The following CTU1 variants were observed in gnomAD, a reference collection of about 807,000 sequenced individuals.
CTU1 encodes the protein cytoplasmic tRNA 2-thiolation protein 1.
In CTU1, 15 loss-of-function variants were observed where a neutral mutation model predicts 12.9. The ratio of observed to expected loss-of-function variants is 1.16; its 90% CI spans 0.78 to 1.79. The LOEUF is 1.79. Ranked by LOEUF, CTU1 falls within the 40% of genes most tolerant of loss-of-function variation. The pLI, the probability that CTU1 is intolerant of heterozygous loss-of-function variation, is 0.00. For missense variants in CTU1, 553 were observed against 550.5 expected, an observed-to-expected ratio of 1.00 and a Z score of -0.05; for synonymous variants, 295 against 275.6, an observed-to-expected ratio of 1.07 and a Z score of -0.70.
chr19:51,099,176 C>T, intron 2 of CTU1, 37 bp from the exon 3 acceptor site: 1 of 1,540,972 alleles, frequency 6.5e-7, no homozygotes, highest in Non-Finnish European at 8.7e-7. Flanking sequence ...AGGTGGGGCG[C>T]GGAGGGCGCT....
chr19:51,107,949 C>T (rs974830153), intron 1 of CTU1, among the ~76,000 whole-genome samples: 1 of 152,140 alleles, frequency 6.6e-6, no homozygotes, highest in Non-Finnish European at 1.5e-5. Flanking sequence ...CCCTCGCTCC[C>T]GCCGCCCTGC....
At chr19:51,101,891 G>A (rs2091907798) in intron 2 of CTU1, among the ~76,000 whole-genome samples, 1 of 152,094 alleles carries the variant, frequency 6.6e-6, no homozygotes, top group Admixed American at 6.5e-5. Flanking sequence ...ATAAACAAAG[G>A]GTAGAAATCA....
intron 2 of CTU1, among the ~76,000 whole-genome samples, chr19:51,103,432 A>C (rs1312830990): frequency 1.3e-5 from 2 of 152,134 alleles, no homozygotes; most frequent in Non-Finnish European, 2.9e-5. Context: ...AAAAATACAA[A>C]AAATTAGCTG....
chr19:51,098,849 C>A lies in CTU1; in HGVS notation c.799G>T (p.Val267Leu). 1.6e-6 allele frequency: 2 copies of A among 1,279,172 alleles called. No individual in the cohort carries two copies. Among genetic ancestry groups the A allele is most frequent in the Non-Finnish European group, 2.0e-6 (2 of 1,004,038 alleles). 79.2% of individuals were successfully genotyped at this position (1,279,172 alleles called of 1,614,324 possible). Reference protein sequence around the residue: ...AARPSAVLDLVHSAERLALAP... With the variant: ...AARPSAVLDLLHSAERLALAP... Reference sequence around the variant, plus strand: ...AGCGCCAGGCGCTCGGCCGAGTGCACGAGGTCCAGCACCGCGGACGGCCGC... The same window carrying A: ...AGCGCCAGGCGCTCGGCCGAGTGCAAGAGGTCCAGCACCGCGGACGGCCGC... Residue 267 changes from valine to leucine, a missense_variant, in exon 3 of 3, where the codon GTG becomes TTG. Physicochemically the swap from Val to Leu is conservative, Grantham distance 32. This residue lies in a region of CTU1 where 500 missense variants were observed against 458.5 expected (regional missense o/e 1.09). Transcript: ENST00000421832. The surrounding 1 kb of genome is among the most constrained non-coding windows in gnomAD (Gnocchi z 4.3).
chr19:51,104,061 C>A lies in CTU1; in HGVS notation c.508+1G>T. 1 of 1,450,652 alleles carries A rather than the reference C, an allele frequency of 6.9e-7. No individual in the cohort carries two copies. The highest frequency in any genetic ancestry group is 1.5e-5 in the South Asian group (1 of 68,316). 89.9% of individuals were successfully genotyped at this position (1,450,652 alleles called of 1,614,324 possible). A position where few individuals can be genotyped will look rare whatever the true frequency, so the allele number is the denominator to read the frequency against. On this transcript the variant is annotated splice_donor_variant, in intron 2 of 2. Coordinates refer to ENST00000421832, the MANE Select transcript of CTU1 (RefSeq NM_145232.4). LOFTEE classifies it high-confidence loss of function. ...CGCTCTGCGGCCCGTACTACGCTCA[C>A]CTGTCACGATGTGCGTGGCTCCCAC...
chr19:51,100,884 C>G (rs189721130), intron 2 of CTU1, among the ~76,000 whole-genome samples: 1 of 151,790 alleles, frequency 6.6e-6, no homozygotes, highest in Non-Finnish European at 1.5e-5. Flanking sequence ...CTCTGACAAC[C>G]CAGACTGTAG....
At position 51,098,601 on chromosome 19, in the gene CTU1, C is replaced by A; in HGVS notation, c.1047G>T (p.Ter349TyrextTer18). 1.6e-6 allele frequency: 2 copies of A among 1,288,912 alleles called. No homozygotes were observed. The highest frequency in any genetic ancestry group is 2.0e-6 in the Non-Finnish European group (2 of 1,015,832). The allele number at this position is 1,288,912 out of a possible 1,614,324, so 79.8% of individuals were successfully genotyped here. Residue 349 changes from the stop codon to tyrosine (Y), a stop_lost, in exon 3 of 3, where the codon TAG (stop) becomes TAT (tyrosine). Coordinates refer to ENST00000421832, the MANE Select transcript of CTU1 (RefSeq NM_145232.4). This position sits in a 1 kb window ranked among gnomAD's most constrained non-coding sequence, Gnocchi z 4.3. The stretch of plus-strand genomic sequence containing the variant: ...GATCCCGGCGGGAGGCCCGAAGTCG[C>A]TAGAAGGTGGGGACGGCCTTGGAGG... ...PPASKAVPTF[*>Y] is the part of the protein sequence containing the mutation.
At position 51,104,052 on chromosome 19, in the gene CTU1, C is replaced by T; in HGVS notation, c.508+10G>A. On this transcript the variant is annotated intron_variant, in intron 2 of 2. Coordinates refer to ENST00000421832, the MANE Select transcript of CTU1 (RefSeq NM_145232.4). Reference sequence around the variant, plus strand: ...GGAGAGTGCCGCTCTGCGGCCCGTACTACGCTCACCTGTCACGATGTGCGT... The same window carrying T: ...GGAGAGTGCCGCTCTGCGGCCCGTATTACGCTCACCTGTCACGATGTGCGT... 13 of 1,443,564 alleles carry T rather than the reference C, an allele frequency of 9.0e-6. No homozygotes were observed. The highest frequency in any genetic ancestry group is 1.2e-5 in the Non-Finnish European group (13 of 1,110,548). The allele number at this position is 1,443,564 out of a possible 1,614,324, so 89.4% of individuals were successfully genotyped here. A position where few individuals can be genotyped will look rare whatever the true frequency, so the allele number is the denominator to read the frequency against.
intron 2 of CTU1, among the ~76,000 whole-genome samples, chr19:51,102,907 G>A (rs1227795651): frequency 6.6e-6 from 1 of 152,114 alleles, no homozygotes. Flanking sequence ...ACGTCATAGG[G>A]TTCTCTGTGT....
chr19:51,103,682 GA>G (rs1411197012), intron 2 of CTU1, among the ~76,000 whole-genome samples: 1 of 151,840 alleles, frequency 6.6e-6, no homozygotes, highest in Admixed American at 6.6e-5. Flanking sequence ...GCTGGATTCT[GA>G]AAGGTGGACC....
Position 51,098,971 on chromosome 19 carries a change from T to C in CTU1, c.677A>G (p.His226Arg). ...GGAGAAGTAGTCGAGGCGGCGGAAG[T>C]GCGCGTACAGCACCACCTCCTTCTG... Reference protein sequence around the residue: ...ASQKEVVLYAHFRRLDYFSEE... With the variant: ...ASQKEVVLYARFRRLDYFSEE... The change falls in exon 3 of 3, where the codon CAC becomes CGC. Residue 226 changes from histidine to arginine, a missense_variant. Physicochemically the swap from His to Arg is conservative, Grantham distance 29. Transcript: ENST00000421832. This position sits in a 1 kb window ranked among gnomAD's most constrained non-coding sequence, Gnocchi z 4.3. The C allele has an allele frequency of 6.5e-7, 1 of 1,544,490 alleles. No homozygotes were observed. The highest frequency in any genetic ancestry group is 8.7e-7 in the Non-Finnish European group (1 of 1,151,330).
In CTU1 at chr19:51,104,116, G is replaced by A; in HGVS notation, c.454C>T (p.Arg152Cys). 1.3e-6 allele frequency: 2 copies of A among 1,485,308 alleles called. No individual in the cohort carries two copies. Among genetic ancestry groups the A allele is most frequent in the South Asian group, 1.4e-5 (1 of 73,594 alleles). 92.0% of individuals were successfully genotyped at this position (1,485,308 alleles called of 1,614,324 possible). A position where few individuals can be genotyped will look rare whatever the true frequency, so the allele number is the denominator to read the frequency against. Residue 152 changes from arginine (R) to cysteine (C), a missense_variant, in exon 2 of 3, where the codon CGC becomes TGC. Around this residue, in one of 2 missense-constraint regions of CTU1, gnomAD observed 500 missense variants for 458.5 expected, o/e 1.09. Coordinates refer to ENST00000421832, the MANE Select transcript of CTU1 (RefSeq NM_145232.4). ...CGCGCCCCTTCCTCCAGCGCCCGGCGCCGCAGCACTCCACAGAAGGTGCAG... is the reference window on the plus strand; with the variant it reads ...CGCGCCCCTTCCTCCAGCGCCCGGCACCGCAGCACTCCACAGAAGGTGCAG... ...SCCTFCGVLRRRALEEGARRV... is the reference protein window; with the variant it reads ...SCCTFCGVLRCRALEEGARRV...
In CTU1 at chr19:51,098,864, C is replaced by T. The variant is rs1225482124; in HGVS notation, c.784G>A (p.Ala262Thr). 3.6e-6 allele frequency: 5 copies of T among 1,401,786 alleles called. No homozygotes were observed. The highest frequency in any genetic ancestry group is 5.0e-5 in the Admixed American group (2 of 39,840). 86.8% of individuals were successfully genotyped at this position (1,401,786 alleles called of 1,614,324 possible). A position where few individuals can be genotyped will look rare whatever the true frequency, so the allele number is the denominator to read the frequency against. ...GCCGAGTGCACGAGGTCCAGCACCGCGGACGGCCGCGCCGCCTCCAGGCGC... is the reference window on the plus strand; with the variant it reads ...GCCGAGTGCACGAGGTCCAGCACCGTGGACGGCCGCGCCGCCTCCAGGCGC... Reference protein sequence around the residue: ...LKRLEAARPSAVLDLVHSAER... With the variant: ...LKRLEAARPSTVLDLVHSAER... The change falls in exon 3 of 3, where the codon GCG (alanine) becomes ACG (threonine). Residue 262 changes from alanine to threonine, a missense_variant. Physicochemically the swap from Ala to Thr is moderately conservative, Grantham distance 58. Around this residue, in one of 2 missense-constraint regions of CTU1, gnomAD observed 500 missense variants for 458.5 expected, o/e 1.09. Coordinates refer to ENST00000421832, the MANE Select transcript of CTU1 (RefSeq NM_145232.4). The surrounding 1 kb of genome is among the most constrained non-coding windows in gnomAD (Gnocchi z 4.3).
intron 2 of CTU1, among the ~76,000 whole-genome samples, chr19:51,102,596 C>T (rs912693779): frequency 1.3e-5 from 2 of 152,238 alleles, no homozygotes; most frequent in Non-Finnish European, 1.5e-5. Flanking sequence ...CTGGTCTCCT[C>T]GGCTTTGTCC....
At chr19:51,100,934 CGT>C (rs71185800) in intron 2 of CTU1, among the ~76,000 whole-genome samples, 4,524 of 145,364 alleles carry the variant, frequency 0.031, 217 homozygotes, top group African/African-American at 0.11. Flanking sequence ...TTTTATTGTG[CGT>C]GTGTGTGTGT....
chr19:51,098,578 T>C lies in CTU1; in HGVS notation c.*23A>G. On this transcript the variant is annotated 3_prime_UTR_variant, in exon 3 of 3. Coordinates refer to ENST00000421832, the MANE Select transcript of CTU1 (RefSeq NM_145232.4). The surrounding 1 kb of genome is among the most constrained non-coding windows in gnomAD (Gnocchi z 4.3). ...GCAGCCCCCACCCCGCGGCATCAGA[T>C]CCCGGCGGGAGGCCCGAAGTCGCTA... 14 of 1,250,468 alleles carry C rather than the reference T, an allele frequency of 1.1e-5. No homozygotes were observed. Among genetic ancestry groups the C allele is most frequent in the Non-Finnish European group, 1.3e-5 (13 of 994,254 alleles). 77.5% of individuals were successfully genotyped at this position (1,250,468 alleles called of 1,614,324 possible).
intron 2 of CTU1, among the ~76,000 whole-genome samples, chr19:51,103,484 C>T (rs1451374026): frequency 1.3e-5 from 2 of 150,670 alleles, no homozygotes; most frequent in African/African-American, 2.4e-5. Context: ...ACTCGGGAGG[C>T]TGAGCCAGGA....
Position 51,098,561 on chromosome 19 carries a change from C to T in CTU1, c.*40G>A. 8.1e-7 allele frequency: 1 copy of T among 1,241,698 alleles called. No individual in the cohort carries two copies. Among genetic ancestry groups the T allele is most frequent in the African/African-American group, 1.6e-5 (1 of 64,054 alleles). 76.9% of individuals were successfully genotyped at this position (1,241,698 alleles called of 1,614,324 possible). A position where few individuals can be genotyped will look rare whatever the true frequency, so the allele number is the denominator to read the frequency against. On this transcript the variant is annotated 3_prime_UTR_variant, in exon 3 of 3. Transcript: ENST00000421832. The surrounding 1 kb of genome is among the most constrained non-coding windows in gnomAD (Gnocchi z 4.3). ...CACAGTGTCATTTACAGGCAGCCCC[C>T]ACCCCGCGGCATCAGATCCCGGCGG...
chr19:51,106,832 TGAGC>T (rs1478920152), intron 1 of CTU1, among the ~76,000 whole-genome samples: 1 of 152,224 alleles, frequency 6.6e-6, no homozygotes, highest in Non-Finnish European at 1.5e-5. Context: ...TCCATTCTTA[TGAGC>T]GCCTCTGAAT....
Sources: gnomAD v4.1 joint callset for allele counts (sites outside exome capture counted in the v4.1 genomes callset) on GRCh38, gnomAD v4.1.1 for gene constraint, gnomAD v4.1.1 regional missense constraint, Gnocchi (gnomAD v3.1) non-coding constraint, MANE v1.5 for transcripts, NCBI Gene and HGNC (gene_info 2026-07-23, HGNC 2026-07-21) for gene names.